PPP3CB: variants seen among roughly 807,000 people sequenced by gnomAD.
PPP3CB encodes serine/threonine-protein phosphatase 2B catalytic subunit beta isoform.
PPP3CB carries 8 observed loss-of-function variants against 66.4 expected under a neutral mutation model. The ratio of observed to expected loss-of-function variants is 0.12; its 90% CI spans 0.07 to 0.22. The LOEUF (loss-of-function observed/expected upper bound fraction) is 0.22. PPP3CB is among the 10% of genes least tolerant of loss of function. PPP3CB has a pLI of 1.00. For missense variants in PPP3CB, 319 were observed against 642.5 expected (o/e 0.50, Z 5.44); for synonymous variants, 208 against 221.2 (o/e 0.94, Z 0.53).
chr10:73,466,153 G>A (rs115828641), intron 9 of PPP3CB, among the ~76,000 whole-genome samples: 145 of 152,182 alleles, frequency 9.5e-4, no homozygotes, highest in African/African-American at 3.3e-3. Flanking sequence ...AAAGGAGTTG[G>A]GCTAAATGAC....
intron 6 of PPP3CB, 23 bp downstream of exon 6, chr10:73,471,047 T>C (rs1419290508): frequency 1.3e-6 from 2 of 1,597,532 alleles, no homozygotes; most frequent in Non-Finnish European, 1.7e-6. Flanking sequence ...AAAATGTGAT[T>C]AATCTTGGAT....
intron 9 of PPP3CB, among the ~76,000 whole-genome samples, chr10:73,462,551 G>T (rs2056540236): frequency 6.6e-6 from 1 of 152,052 alleles, no homozygotes; most frequent in Non-Finnish European, 1.5e-5. Flanking sequence ...GATTTGACTA[G>T]ACCTAAGATT....
chr10:73,436,942 A>ATGGTT lies in PPP3CB; in HGVS notation c.*1295_*1299dup, dbSNP rs770277408. On this transcript the variant is annotated 3_prime_UTR_variant, in exon 14 of 14. Transcript: ENST00000360663. ...CACTTTCTGGCAAACAAAACAATAG[A>ATGGTT]TGGTTCCGCTGCCTGGAGCTCTGAG... The ATGGTT allele has an allele frequency of 1.3e-5, 2 of 152,780 alleles. No homozygotes were observed. The highest frequency in any genetic ancestry group is 2.9e-5 in the Non-Finnish European group (2 of 68,060). 9.5% of individuals were successfully genotyped at this position (152,780 alleles called of 1,614,324 possible).
intron 10 of PPP3CB, among the ~76,000 whole-genome samples, chr10:73,453,527 T>A (rs1231466714): frequency 6.6e-6 from 1 of 152,120 alleles, no homozygotes; most frequent in East Asian, 1.9e-4. Flanking sequence ...CCTCCCAAAG[T>A]GGTGGGATTA....
At chr10:73,467,912 G>A (rs2056644450) in intron 8 of PPP3CB, among the ~76,000 whole-genome samples, 1 of 152,086 alleles carries the variant, frequency 6.6e-6, no homozygotes, top group African/African-American at 2.4e-5. Context: ...CATTACTAAT[G>A]AAATTTCCAG....
At chr10:73,456,455 T>G (rs996044467) in intron 9 of PPP3CB, among the ~76,000 whole-genome samples, 1 of 152,180 alleles carries the variant, frequency 6.6e-6, no homozygotes. Flanking sequence ...GATAAGGCAT[T>G]CTAAACAGAA....
intron 10 of PPP3CB, among the ~76,000 whole-genome samples, chr10:73,449,485 ATATATTATTCCT>A (rs1333212676): frequency 2.6e-5 from 4 of 152,168 alleles, no homozygotes; most frequent in Non-Finnish European, 5.9e-5. Context: ...TAATGCTGAG[ATATATTATTCCT>A]TTATAGGAAA....
At chr10:73,452,171 A>T (rs1031981550) in intron 10 of PPP3CB, among the ~76,000 whole-genome samples, 2 of 152,030 alleles carry the variant, frequency 1.3e-5, no homozygotes, top group Non-Finnish European at 2.9e-5. Context: ...AAAACTTTCT[A>T]AAAAAAAGTA....
At chr10:73,484,176 G>C (rs985934712) in intron 1 of PPP3CB, among the ~76,000 whole-genome samples, 1 of 151,706 alleles carries the variant, frequency 6.6e-6, no homozygotes, top group African/African-American at 2.4e-5. Context: ...ACTTTGTTTT[G>C]CAACTCCTAA....
chr10:73,495,291 G>A (rs1046401855), intron 1 of PPP3CB, among the ~76,000 whole-genome samples: 1 of 152,180 alleles, frequency 6.6e-6, no homozygotes, highest in South Asian at 2.1e-4. Context: ...GGCACCTGAC[G>A]GCCAAAAGTG....
intron 1 of PPP3CB, chr10:73,495,455 CAGA>C (rs2133072367): frequency 5.9e-6 from 1 of 168,798 alleles, no homozygotes; most frequent in African/African-American, 2.4e-5. Context: ...CCCGGCAAGC[CAGA>C]AGTGCAGCTG....
intron 1 of PPP3CB, among the ~76,000 whole-genome samples, chr10:73,480,321 TTC>T (rs1433300034): frequency 6.6e-6 from 1 of 152,204 alleles, no homozygotes; most frequent in Non-Finnish European, 1.5e-5. Context: ...TGAAGTCACT[TTC>T]TGAGTCACCT....
chr10:73,463,955 G>C (rs1048684949), intron 9 of PPP3CB, among the ~76,000 whole-genome samples: 4 of 151,678 alleles, frequency 2.6e-5, no homozygotes, highest in Non-Finnish European at 5.9e-5. Context: ...TTTTGAGACA[G>C]AGTCTCGCTC....
At chr10:73,444,246 G>C (rs2056210267) in intron 12 of PPP3CB, 1 of 196,816 alleles carries the variant, frequency 5.1e-6, no homozygotes, top group African/African-American at 2.4e-5. Context: ...GTAATGTTCT[G>C]GGGCCTAAGC....
At chr10:73,476,612 A>T (rs2056792777) in intron 3 of PPP3CB, among the ~76,000 whole-genome samples, 1 of 149,002 alleles carries the variant, frequency 6.7e-6, no homozygotes, top group African/African-American at 2.5e-5. Flanking sequence ...GTGAGAGTCC[A>T]TCTCAATTAA....
At chr10:73,442,387 C>T (rs1011936473) in intron 12 of PPP3CB, among the ~76,000 whole-genome samples, 6 of 152,116 alleles carry the variant, frequency 3.9e-5, no homozygotes, top group Non-Finnish European at 8.8e-5. Flanking sequence ...AGGGGCTAAT[C>T]GTGAAATCTG....
chr10:73,495,941 G>C lies in PPP3CB; in HGVS notation c.-52C>G. 1 of 1,077,548 alleles carries C rather than the reference G, an allele frequency of 9.3e-7. No homozygotes were observed. Among genetic ancestry groups the C allele is most frequent in the Non-Finnish European group, 1.2e-6 (1 of 850,318 alleles). The allele number at this position is 1,077,548 out of a possible 1,614,324, so 66.7% of individuals were successfully genotyped here. On this transcript the variant is annotated 5_prime_UTR_variant, in exon 1 of 14. Coordinates refer to ENST00000360663, the MANE Select transcript of PPP3CB (RefSeq NM_021132.4). ...TGGGCCGGGCGGGGTTGGGGGCGGGGGCGGCGGCTACCAGAGCCAAGCGGC... is the reference window on the plus strand; with the variant it reads ...TGGGCCGGGCGGGGTTGGGGGCGGGCGCGGCGGCTACCAGAGCCAAGCGGC...
intron 3 of PPP3CB, among the ~76,000 whole-genome samples, chr10:73,476,448 C>T (rs1222919747): frequency 1.3e-5 from 2 of 152,014 alleles, no homozygotes; most frequent in African/African-American, 4.8e-5. Flanking sequence ...GAAACTCCAT[C>T]TCTATTAAAA....
intron 10 of PPP3CB, chr10:73,448,745 G>A (rs112441825): frequency 0.02 from 10,505 of 532,692 alleles, 656 homozygotes; most frequent in African/African-American, 0.15. Context: ...AAGGTGGTTG[G>A]GACAAATAAA....
Sources: allele counts gnomAD v4.1 joint callset (sites outside exome capture counted in the v4.1 genomes callset), GRCh38; gene constraint gnomAD v4.1.1; transcripts MANE v1.5; gene names NCBI Gene and HGNC (gene_info 2026-07-23, HGNC 2026-07-21).